UGP2: variants seen among roughly 807,000 people sequenced by gnomAD.
UGP2 encodes the protein UTP--glucose-1-phosphate uridylyltransferase.
UGP2 carries 40 observed loss-of-function variants against 49.0 expected under a neutral mutation model. That is an observed-to-expected ratio of 0.82 (90% confidence interval 0.63 to 1.06). UGP2 has a LOEUF of 1.06. Among genes scored for constraint, UGP2 ranks in the 50% least tolerant of loss-of-function variants. The pLI is 0.00. For synonymous variants in UGP2, 225 were observed against 213.0 expected (o/e 1.06, Z -0.49); for missense variants, 460 against 603.5 (o/e 0.76, Z 2.49).
chr2:63,864,749 C>G (rs534038833), intron 3 of UGP2, among the ~76,000 whole-genome samples: 81 of 152,302 alleles, frequency 5.3e-4, no homozygotes, highest in Non-Finnish European at 6.6e-4. Flanking sequence ...AGTTCTCCAT[C>G]TTTGGGTAGA....
chr2:63,842,382 C>T, intron 1 of UGP2, 178 bp downstream of exon 1: 1 of 1,598,504 alleles, frequency 6.3e-7, no homozygotes, highest in Non-Finnish European at 8.5e-7. Flanking sequence ...GTTCCAGACG[C>T]GTATAATTTA....
At chr2:63,870,028 T>G (rs1670445498) in intron 3 of UGP2, among the ~76,000 whole-genome samples, 2 of 151,362 alleles carry the variant, frequency 1.3e-5, no homozygotes, top group South Asian at 4.2e-4. Flanking sequence ...GTTTACACCA[T>G]TCTCCTGCCT....
intron 3 of UGP2, among the ~76,000 whole-genome samples, chr2:63,873,291 C>G (rs1255358752): frequency 1.3e-5 from 2 of 152,194 alleles, no homozygotes; most frequent in African/African-American, 4.8e-5. Context: ...ATCACAGCAT[C>G]AGCTTCTTAT....
intron 3 of UGP2, among the ~76,000 whole-genome samples, chr2:63,858,244 T>C (rs1669586927): frequency 6.6e-6 from 1 of 152,240 alleles, no homozygotes; most frequent in Non-Finnish European, 1.5e-5. Flanking sequence ...GTTTACTTTG[T>C]TTCTTCCTTC....
Position 63,886,847 on chromosome 2 carries a change from T to C in UGP2, c.1071+309T>C, listed in dbSNP as rs1392058755. 3.3e-5 allele frequency among the ~76,000 whole-genome samples: 5 copies of C among 152,224 alleles called. No homozygotes were observed. The East Asian group carries it at 9.6e-4, about 29-fold the overall frequency. On this transcript the variant is annotated intron_variant, in intron 7 of 9. Coordinates refer to ENST00000337130, the MANE Select transcript of UGP2 (RefSeq NM_006759.4). ...ATAGGTCATTTGGCCATCGGTACTT[T>C]GCATGAGTTTTCTGAACCTATGGTT...
chr2:63,886,079 A>G (rs1268705737), intron 6 of UGP2, among the ~76,000 whole-genome samples, 193 bp downstream of exon 6: 1 of 152,234 alleles, frequency 6.6e-6, no homozygotes, highest in Non-Finnish European at 1.5e-5. Flanking sequence ...GATAAGCTAC[A>G]TCAGTAATTT....
chr2:63,851,538 T>C (rs1669042871), intron 1 of UGP2, among the ~76,000 whole-genome samples: 2 of 152,180 alleles, frequency 1.3e-5, no homozygotes, highest in Non-Finnish European at 2.9e-5. Flanking sequence ...TCTTTGGGGA[T>C]TGAGAGATCA....
intron 3 of UGP2, among the ~76,000 whole-genome samples, chr2:63,863,254 G>T (rs2104299084): frequency 6.6e-6 from 1 of 152,206 alleles, no homozygotes; most frequent in East Asian, 1.9e-4. Context: ...GATACAGTAA[G>T]GTTTAGGGAG....
At chr2:63,868,750 G>A (rs1317542830) in intron 3 of UGP2, among the ~76,000 whole-genome samples, 1 of 151,966 alleles carries the variant, frequency 6.6e-6, no homozygotes, top group South Asian at 2.1e-4. Context: ...AAGCTGAGGC[G>A]GGCAGATCAC....
At chr2:63,848,308 TTGAATGGATTGTCCCAGGCACA>T (rs1023389971) in intron 1 of UGP2, among the ~76,000 whole-genome samples, 2 of 152,240 alleles carry the variant, frequency 1.3e-5, no homozygotes, top group Admixed American at 1.3e-4. Flanking sequence ...GTCTTGGTAA[TTGAATGGATTGTCCCAGGCACA>T]ATGACTATTA....
In UGP2 at chr2:63,885,622, T is replaced by C. The variant is rs1671622132; in HGVS notation, c.609T>C (p.Pro203=). The C allele has an allele frequency of 6.3e-7, 1 of 1,578,724 alleles. No homozygotes were observed. Among genetic ancestry groups the C allele is most frequent in the African/African-American group, 1.4e-5 (1 of 72,388 alleles). The change falls in exon 6 of 10, where the codon CCT becomes CCC. Residue 203 remains proline (P), a synonymous_variant. Coordinates refer to ENST00000337130, the MANE Select transcript of UGP2 (RefSeq NM_006759.4). The stretch of plus-strand genomic sequence containing the variant: ...GGATTAATAAAGAATCTTTACTTCC[T>C]GTAGCAAAGGACGTGTCTTACTCAG... The part of the protein sequence containing the change: ...YPRINKESLL[P]VAKDVSYSGE...
intron 1 of UGP2, among the ~76,000 whole-genome samples, chr2:63,852,593 G>T (rs1360336691): frequency 6.6e-6 from 1 of 152,178 alleles, no homozygotes; most frequent in African/African-American, 2.4e-5. Flanking sequence ...GATATGATGG[G>T]GGTTGCAGCT....
At chr2:63,880,940 G>C (rs1671263504) in intron 3 of UGP2, among the ~76,000 whole-genome samples, 1 of 152,042 alleles carries the variant, frequency 6.6e-6, no homozygotes, top group African/African-American at 2.4e-5. Context: ...CCTTATTTTG[G>C]TTCATGAATA....
chr2:63,890,051 C>G lies in UGP2; in HGVS notation c.1315-30C>G, dbSNP rs373310036. ...TGTCTTTCTTTGAACCCATTTGAGACAAATTTTTATGTTTCTCCTTTTCTG... is the reference window on the plus strand; with the variant it reads ...TGTCTTTCTTTGAACCCATTTGAGAGAAATTTTTATGTTTCTCCTTTTCTG... On this transcript the variant is annotated intron_variant, in intron 8 of 9. Transcript: ENST00000337130. 669 of 1,548,194 alleles carry G rather than the reference C, an allele frequency of 4.3e-4. No individual in the cohort carries two copies. In the African/African-American group the frequency reaches 6.3e-3, roughly 15 times the overall value.
chr2:63,855,526 T>G (rs1332560163), intron 1 of UGP2: 4 of 275,814 alleles, frequency 1.5e-5, no homozygotes, highest in South Asian at 8.6e-5. Context: ...TTCTGTTTTT[T>G]TTTTTTTTTT....
intron 3 of UGP2, among the ~76,000 whole-genome samples, chr2:63,865,810 T>A (rs937785309): frequency 2.0e-5 from 3 of 152,122 alleles, no homozygotes; most frequent in Non-Finnish European, 2.9e-5. Context: ...GCTGGGATTG[T>A]AGGTGTGAGT....
At chr2:63,850,392 T>C (rs1224253894) in intron 1 of UGP2, among the ~76,000 whole-genome samples, 1 of 152,230 alleles carries the variant, frequency 6.6e-6, no homozygotes, top group African/African-American at 2.4e-5. Context: ...TAGTCATAGT[T>C]GACAGTCTAA....
intron 3 of UGP2, among the ~76,000 whole-genome samples, chr2:63,867,500 A>G (rs1670261630): frequency 6.6e-6 from 1 of 152,230 alleles, no homozygotes; most frequent in African/African-American, 2.4e-5. Flanking sequence ...AGGCTCAACC[A>G]CAGCAAAGGA....
chr2:63,850,702 C>T (rs1055255927), intron 1 of UGP2, among the ~76,000 whole-genome samples: 3 of 152,092 alleles, frequency 2.0e-5, no homozygotes, highest in Non-Finnish European at 4.4e-5. Flanking sequence ...ATAAATCAGC[C>T]TCTGCTTGAG....
Sources: allele counts gnomAD v4.1 joint callset (sites outside exome capture counted in the v4.1 genomes callset), GRCh38; gene constraint gnomAD v4.1.1; transcripts MANE v1.5; gene names NCBI Gene and HGNC (gene_info 2026-07-23, HGNC 2026-07-21).